The following CDH13 variants were observed in gnomAD, a reference collection of about 807,000 sequenced individuals.
CDH13 encodes cadherin 13.
In CDH13, 24 loss-of-function variants were observed where a neutral mutation model predicts 63.8. That is an observed-to-expected ratio of 0.38 (90% CI 0.27 to 0.53). CDH13 has a LOEUF of 0.53. Ranked by LOEUF, CDH13 falls within the 20% of genes least tolerant of loss-of-function variation. CDH13 has a pLI of 0.85. For missense variants in CDH13, 1,049 were observed against 903.1 expected, an observed-to-expected ratio of 1.16 and a Z score of -2.07; for synonymous variants, 503 against 355.3, an observed-to-expected ratio of 1.42 and a Z score of -4.67.
At chr16:83,079,371 C>G (rs999799189) in intron 3 of CDH13, among the ~76,000 whole-genome samples, 1 of 152,134 alleles carries the variant, frequency 6.6e-6, no homozygotes, top group East Asian at 1.9e-4. Flanking sequence ...GCCTCTGACA[C>G]AAAATCAACC....
At chr16:82,627,265 G>A (rs1907398928) in intron 1 of CDH13, 128 bp downstream of exon 1, 2 of 773,056 alleles carry the variant, frequency 2.6e-6, no homozygotes, top group South Asian at 2.9e-5. Flanking sequence ...ACAGATCGGG[G>A]CTCGGTAGGG....
chr16:83,061,650 T>C (rs2031560483), intron 3 of CDH13, among the ~76,000 whole-genome samples: 1 of 152,242 alleles, frequency 6.6e-6, no homozygotes, highest in African/African-American at 2.4e-5. Context: ...TGGCTCATGC[T>C]GCTCTTTGCA....
At chr16:83,331,245 A>T (rs978145413) in intron 5 of CDH13, among the ~76,000 whole-genome samples, 10 of 152,226 alleles carry the variant, frequency 6.6e-5, no homozygotes, top group African/African-American at 2.4e-4. Context: ...TTCAGAGAAG[A>T]AGCAGAGAGT....
rs1045191188 is a variant in CDH13 at position 83,043,080 on chromosome 16, C to G, written c.366+10862C>G. ...TATTGTACGGATCCAAGAATTGGGC[C>G]TAGAATTCAATAATAGGCTGTTACA... On this transcript the variant is annotated intron_variant, in intron 3 of 13. Transcript: ENST00000567109. 9.9e-5 allele frequency among the ~76,000 whole-genome samples: 15 copies of G among 152,178 alleles called. No homozygotes were observed. In the South Asian group the frequency reaches 1.0e-3, roughly 11 times the overall value.
chr16:82,787,841 A>AGTGTGCGTGTGTGTGTGTGT (rs1555516773), intron 1 of CDH13, among the ~76,000 whole-genome samples: 5 of 146,654 alleles, frequency 3.4e-5, no homozygotes, highest in Non-Finnish European at 1.5e-5. Context: ...GAAGGGAGGA[A>AGTGTGCGTGTGTGTGTGTGT]GTGTGTGTGT....
Position 83,179,461 on chromosome 16 carries a change from C to T in CDH13, c.484-37884C>T, listed in dbSNP as rs186672456. On this transcript the variant is annotated intron_variant, in intron 4 of 13. Transcript: ENST00000567109. ...GAGATGGAGACCATCCTGGCTAACA[C>T]AGTGAAACCCCGTCTCTACTAAAAA... Among the ~76,000 whole-genome samples the T allele has an allele frequency of 3.0e-3, 370 of 125,324 alleles. 2 individuals are homozygous for T. The highest frequency in any genetic ancestry group is 1.0e-2 in the African/African-American group (309 of 30,936). 82.2% of individuals were successfully genotyped at this position (125,324 alleles called of 152,430 possible).
At chr16:82,762,939 A>G (rs369124948) in intron 1 of CDH13, among the ~76,000 whole-genome samples, 2 of 152,220 alleles carry the variant, frequency 1.3e-5, no homozygotes, top group South Asian at 2.1e-4. Context: ...ATTATCTCCT[A>G]TGCTTTCCGG....
At chr16:83,037,894 T>C (rs1486267003) in intron 3 of CDH13, among the ~76,000 whole-genome samples, 1 of 152,184 alleles carries the variant, frequency 6.6e-6, no homozygotes, top group Non-Finnish European at 1.5e-5. Flanking sequence ...CTCCTGGGCA[T>C]AGCACCAGAC....
intron 8 of CDH13, among the ~76,000 whole-genome samples, chr16:83,625,798 C>T (rs1015564109): frequency 2.0e-5 from 3 of 152,126 alleles, no homozygotes; most frequent in African/African-American, 7.2e-5. Context: ...CAGGAGGTAC[C>T]TCAGCCCAAA....
intron 1 of CDH13, chr16:82,646,133 A>G (rs981156420): frequency 5.9e-5 from 9 of 152,272 alleles, no homozygotes; most frequent in African/African-American, 2.2e-4. Flanking sequence ...AGGATGTGCC[A>G]TCAACCATTT....
chr16:83,111,518 A>C (rs145136254), intron 3 of CDH13, among the ~76,000 whole-genome samples: 2 of 152,370 alleles, frequency 1.3e-5, no homozygotes, highest in East Asian at 3.9e-4. Context: ...TGCAGCATAC[A>C]TCACATGGGA....
chr16:83,619,916 C>T (rs567169764), intron 8 of CDH13, among the ~76,000 whole-genome samples: 5 of 152,252 alleles, frequency 3.3e-5, no homozygotes, highest in South Asian at 4.2e-4. Context: ...GGGAAGACCC[C>T]GGCCTGGGAA....
At chr16:82,930,506 C>G (rs1255713162) in intron 2 of CDH13, among the ~76,000 whole-genome samples, 1 of 151,888 alleles carries the variant, frequency 6.6e-6, no homozygotes, top group African/African-American at 2.4e-5. Context: ...ATACGGATGC[C>G]AAATATAGAT....
Position 82,749,955 on chromosome 16 carries a change from G to A in CDH13, c.46-108407G>A, listed in dbSNP as rs185963715. On this transcript the variant is annotated intron_variant, in intron 1 of 13. Transcript: ENST00000567109. ...TGTCTCTAGAAACATGGAACTAAAG[G>A]CAAGTCGATTTTTGTTTAGGCATTA... is the stretch of plus-strand genomic sequence containing the variant. Among the ~76,000 whole-genome samples, 273 of 152,222 alleles carry A rather than the reference G, an allele frequency of 1.8e-3. 2 individuals carry two copies. Among genetic ancestry groups the A allele is most frequent in the South Asian group, 6.2e-3 (30 of 4,822 alleles).
intron 5 of CDH13, among the ~76,000 whole-genome samples, chr16:83,341,235 G>T (rs866828211): frequency 8.5e-5 from 13 of 152,192 alleles, no homozygotes; most frequent in African/African-American, 2.9e-4. Context: ...AAGGTTTTGT[G>T]TGCTTTGGGT....
At chr16:83,461,822 CT>C (rs554113215) in intron 6 of CDH13, among the ~76,000 whole-genome samples, 12 of 152,218 alleles carry the variant, frequency 7.9e-5, no homozygotes, top group Non-Finnish European at 1.3e-4. Flanking sequence ...TATAGTGGAA[CT>C]TCGAGGTTTC....
chr16:83,661,255 G>C (rs970291133), intron 8 of CDH13, among the ~76,000 whole-genome samples: 12 of 152,108 alleles, frequency 7.9e-5, no homozygotes, highest in African/African-American at 2.4e-4. Flanking sequence ...GCGGGACCAA[G>C]ACAGGAGGAT....
intron 10 of CDH13, among the ~76,000 whole-genome samples, chr16:83,729,488 A>G (rs1910800977): frequency 6.6e-6 from 1 of 152,216 alleles, no homozygotes; most frequent in African/African-American, 2.4e-5. Context: ...TGTAAATCCC[A>G]CTAGCCAGAT....
At chr16:83,005,429 A>C (rs988532328) in intron 2 of CDH13, among the ~76,000 whole-genome samples, 1 of 152,162 alleles carries the variant, frequency 6.6e-6, no homozygotes, top group Non-Finnish European at 1.5e-5. Flanking sequence ...GCTTAGCTGC[A>C]GGCACGGTAC....
Sources: gnomAD v4.1 joint callset for allele counts (sites outside exome capture counted in the v4.1 genomes callset) on GRCh38, gnomAD v4.1.1 for gene constraint, MANE v1.5 for transcripts, NCBI Gene and HGNC (gene_info 2026-07-23, HGNC 2026-07-21) for gene names.